MEF2C: variants seen among roughly 807,000 people sequenced by gnomAD.
The protein encoded by MEF2C is myocyte enhancer factor 2C.
A neutral mutation model predicts 50.5 loss-of-function variants in MEF2C; 6 were observed. That is an observed-to-expected ratio of 0.12 (90% CI 0.07 to 0.23). MEF2C has a LOEUF of 0.23. Ranked by LOEUF, MEF2C falls within the 10% of genes least tolerant of loss-of-function variation. The pLI is 1.00. For missense variants in MEF2C, 276 were observed against 605.0 expected (o/e 0.46, Z 5.70); for synonymous variants, 183 against 228.0 (o/e 0.80, Z 1.78).
chr5:88,765,296 AT>A (rs1430924114), intron 3 of MEF2C, among the ~76,000 whole-genome samples: 1 of 152,248 alleles, frequency 6.6e-6, no homozygotes, highest in Non-Finnish European at 1.5e-5. Context: ...ATTGAAAAAA[AT>A]GTTCAAAAAT....
chr5:88,864,644 T>A (rs932057241), intron 1 of MEF2C, among the ~76,000 whole-genome samples: 24 of 152,034 alleles, frequency 1.6e-4, no homozygotes, highest in African/African-American at 5.6e-4. Flanking sequence ...CAGATTGGAG[T>A]GCAGTGGCAC....
chr5:88,768,652 C>T, intron 3 of MEF2C: 1 of 983,180 alleles, frequency 1.0e-6, no homozygotes. Flanking sequence ...GCATTCATGA[C>T]AAACTGAAAT....
intron 5 of MEF2C, chr5:88,751,373 T>C (rs1772655883): frequency 7.1e-6 from 7 of 985,446 alleles, no homozygotes; most frequent in Non-Finnish European, 8.4e-6. Flanking sequence ...TTATCATATT[T>C]CCTTTCTGCC....
rs111969459 is a variant in MEF2C at position 88,763,940 on chromosome 5, T to C, written c.259-2612A>G. On this transcript the variant is annotated intron_variant, in intron 3 of 10. Transcript: ENST00000504921. Reference sequence around the variant, plus strand: ...ATGCTGGGATTACAGGCATGAGCCATGGCACCCTGCCAATAATTTTCTTAT... The same window carrying C: ...ATGCTGGGATTACAGGCATGAGCCACGGCACCCTGCCAATAATTTTCTTAT... Among the ~76,000 whole-genome samples, 10 of 152,338 alleles carry C rather than the reference T, an allele frequency of 6.6e-5. 1 individual carries two copies. The highest frequency in any genetic ancestry group is 2.2e-4 in the African/African-American group (9 of 41,576).
chr5:88,734,634 A>T (rs1221497120), intron 6 of MEF2C: 1 of 969,186 alleles, frequency 1.0e-6, no homozygotes, highest in Non-Finnish European at 1.2e-6. Flanking sequence ...AGAAATTCCA[A>T]CAAAGCCTAT....
In MEF2C at chr5:88,722,906, A is replaced by T. The variant is rs1487982052; in HGVS notation, c.1120T>A (p.Leu374Ile). ...AGGGAGAGATTTGAACTCTGAGATA[A>T]ATGAGTGCTAGTGCAAGCTCTGTAG... The part of the protein sequence containing the change: ...SQLGACTSTH[L>I]SQSSNLSLPS... Residue 374 changes from leucine (L) to isoleucine (I), a missense_variant, in exon 11 of 11, where the codon TTA (leucine) becomes ATA (isoleucine). Transcript: ENST00000504921. 6.2e-7 allele frequency: 1 copy of T among 1,608,690 alleles called. No individual in the cohort carries two copies. The highest frequency in any genetic ancestry group is 2.2e-5 in the East Asian group (1 of 44,756).
intron 2 of MEF2C, among the ~76,000 whole-genome samples, chr5:88,821,564 T>C (rs1003291201): frequency 6.6e-6 from 1 of 151,986 alleles, no homozygotes; most frequent in Non-Finnish European, 1.5e-5. Flanking sequence ...TTTAAAATTA[T>C]TGTATCCCTA....
At chr5:88,738,239 T>A (rs1441161685) in intron 6 of MEF2C, 2 of 985,066 alleles carry the variant, frequency 2.0e-6, no homozygotes, top group African/African-American at 3.5e-5. Context: ...TCTCAGGTAC[T>A]CATCTGAGGC....
chr5:88,764,224 T>G (rs529435479), intron 3 of MEF2C, among the ~76,000 whole-genome samples: 1 of 152,318 alleles, frequency 6.6e-6, no homozygotes, highest in South Asian at 2.1e-4. Flanking sequence ...GTTTGGTTTA[T>G]AAAAATTCAA....
chr5:88,741,488 CA>C (rs1414117371), intron 6 of MEF2C: 1 of 985,320 alleles, frequency 1.0e-6, no homozygotes, highest in Non-Finnish European at 1.2e-6. Context: ...AATCTTTTCC[CA>C]AACTACTCCT....
At chr5:88,804,465 A>C in intron 3 of MEF2C, 133 bp downstream of exon 3, 2 of 729,154 alleles carry the variant, frequency 2.7e-6, no homozygotes, top group Non-Finnish European at 4.5e-6. Context: ...GATAGATAAT[A>C]ATCCTGGGTC....
chr5:88,752,577 G>C lies in MEF2C; in HGVS notation c.403-534C>G, dbSNP rs1383562624. On this transcript the variant is annotated intron_variant, in intron 4 of 10. Transcript: ENST00000504921. The stretch of plus-strand genomic sequence containing the variant: ...TTTAAAAGTAACTCTAAAGATAATA[G>C]GCATTTTAACATACAAGATTCAACA... 3 of 974,726 alleles carry C rather than the reference G, an allele frequency of 3.1e-6. No individual in the cohort carries two copies. The African/African-American group carries it at 5.3e-5, about 17-fold the overall frequency. 60.4% of individuals were successfully genotyped at this position (974,726 alleles called of 1,614,324 possible).
chr5:88,771,622 G>A, intron 3 of MEF2C: 1 of 985,206 alleles, frequency 1.0e-6, no homozygotes, highest in Non-Finnish European at 1.2e-6. Context: ...AATATGTGTG[G>A]ACTCAACCAA....
upstream of MEF2C, among the ~76,000 whole-genome samples, chr5:88,884,156 C>T (rs1268683248): frequency 6.6e-6 from 1 of 152,240 alleles, no homozygotes; most frequent in African/African-American, 2.4e-5. Context: ...CGCTCGCTTG[C>T]TCTCCGGGGA....
chr5:88,766,679 C>T (rs1371480845), intron 3 of MEF2C: 23 of 985,164 alleles, frequency 2.3e-5, no homozygotes, highest in Non-Finnish European at 2.8e-5. Context: ...CTGGAGAAAC[C>T]CCCAAATTAC....
intron 2 of MEF2C, among the ~76,000 whole-genome samples, chr5:88,820,055 T>C (rs1197742784): frequency 3.6e-5 from 5 of 140,734 alleles, no homozygotes; most frequent in African/African-American, 1.5e-4. Flanking sequence ...ATGGGACTTA[T>C]TAATAAAAAT....
intron 3 of MEF2C, chr5:88,771,406 A>G (rs1782368774): frequency 1.0e-6 from 1 of 983,878 alleles, no homozygotes. Context: ...CTATTACCTA[A>G]TGCCCTCACT....
intron 2 of MEF2C, chr5:88,819,257 C>G (rs1467053444): frequency 1.5e-6 from 1 of 660,328 alleles, no homozygotes; most frequent in Non-Finnish European, 1.9e-6. Context: ...ACACTAGATG[C>G]ATCATGACAT....
intron 1 of MEF2C, among the ~76,000 whole-genome samples, chr5:88,896,050 C>T (rs1015293742): frequency 2.0e-5 from 3 of 152,156 alleles, no homozygotes; most frequent in African/African-American, 7.2e-5. Context: ...CCAGCAGCCA[C>T]TTCATTTGTC....
Sources: allele counts gnomAD v4.1 joint callset (sites outside exome capture counted in the v4.1 genomes callset), GRCh38; gene constraint gnomAD v4.1.1; transcripts MANE v1.5; gene names NCBI Gene and HGNC (gene_info 2026-07-23, HGNC 2026-07-21).